Variants in CENPC observed in about 807,000 individuals in gnomAD.
The protein encoded by CENPC is centromere protein C.
Under a neutral mutation model 112.1 loss-of-function variants are expected in CENPC, and 63 were observed. The ratio of observed to expected loss-of-function variants is 0.56; its 90% CI spans 0.46 to 0.69. The LOEUF is 0.69. Among genes scored for constraint, CENPC ranks in the 30% least tolerant of loss-of-function variants. The pLI, the probability that CENPC is intolerant of heterozygous loss-of-function variation, is 0.00. For synonymous variants in CENPC, 333 were observed against 367.6 expected (o/e 0.91, Z 1.08); for missense variants, 1,000 against 1,103.8 (o/e 0.91, Z 1.33).
At chr4:67,494,215 G>A (rs897807597) in intron 13 of CENPC, among the ~76,000 whole-genome samples, 7 of 152,266 alleles carry the variant, frequency 4.6e-5, no homozygotes, top group East Asian at 1.9e-4. Context: ...AATACTCAGC[G>A]TTGACAATGT....
chr4:67,528,725 G>A (rs1560440875), intron 5 of CENPC, among the ~76,000 whole-genome samples: 1 of 151,978 alleles, frequency 6.6e-6, no homozygotes. Context: ...ATCTGTTGAC[G>A]GACACTTGGC....
intron 5 of CENPC, among the ~76,000 whole-genome samples, chr4:67,529,532 G>T (rs933680761): frequency 1.3e-5 from 2 of 151,942 alleles, no homozygotes; most frequent in Admixed American, 6.6e-5. Flanking sequence ...TACCATGTTG[G>T]CCATGCTGGT....
intron 17 of CENPC, among the ~76,000 whole-genome samples, chr4:67,482,956 T>C (rs367984957): frequency 8.5e-5 from 13 of 152,156 alleles, no homozygotes; most frequent in African/African-American, 2.7e-4. Flanking sequence ...TGGGAGGTAG[T>C]TGAATCATGG....
intron 4 of CENPC, among the ~76,000 whole-genome samples, chr4:67,534,481 TA>T: frequency 6.6e-6 from 1 of 152,302 alleles, no homozygotes; most frequent in East Asian, 1.9e-4. Flanking sequence ...TTGAGTTTCT[TA>T]ATCAGAGAGA....
chr4:67,543,332 C>A (rs1003229130), intron 2 of CENPC, among the ~76,000 whole-genome samples: 3 of 152,218 alleles, frequency 2.0e-5, no homozygotes, highest in South Asian at 2.1e-4. Context: ...CTGGAATATA[C>A]TTTATCTTAG....
At chr4:67,537,582 C>T (rs1462006770) in intron 4 of CENPC, among the ~76,000 whole-genome samples, 1 of 152,118 alleles carries the variant, frequency 6.6e-6, no homozygotes, top group African/African-American at 2.4e-5. Flanking sequence ...CACTTGAGGT[C>T]AGGAGTTTAA....
intron 5 of CENPC, among the ~76,000 whole-genome samples, chr4:67,526,243 G>C (rs1380102063): frequency 6.6e-6 from 1 of 151,884 alleles, no homozygotes; most frequent in African/African-American, 2.4e-5. Context: ...CAAGATGACG[G>C]GTTGATAGGT....
chr4:67,514,084 C>A lies in CENPC; in HGVS notation c.1434G>T (p.Met478Ile). 1 of 1,592,562 alleles carries A rather than the reference C, an allele frequency of 6.3e-7. No homozygotes were observed. The highest frequency in any genetic ancestry group is 1.1e-5 in the South Asian group (1 of 87,718). ...AATATAAACACTTACCCACAGGTGG[C>A]ATCTGTTTTTTGGAAACACAATCAT... ...MGNDCVSKKQ[M>I]PPVGSKKSST... Residue 478 changes from methionine to isoleucine, a missense_variant, in exon 8 of 19, where the codon ATG (methionine) becomes ATT (isoleucine). Transcript: ENST00000273853.
At chr4:67,485,336 A>C (rs1325354406) in intron 17 of CENPC, among the ~76,000 whole-genome samples, 1 of 152,222 alleles carries the variant, frequency 6.6e-6, no homozygotes, top group African/African-American at 2.4e-5. Context: ...TACTTTATAC[A>C]TAGGTAGCAC....
chr4:67,500,151 GGTGAGC>G (rs1725551771), intron 12 of CENPC, among the ~76,000 whole-genome samples: 1 of 151,826 alleles, frequency 6.6e-6, no homozygotes, highest in Non-Finnish European at 1.5e-5. Flanking sequence ...AGAGACACAA[GGTGAGC>G]ACATGCTATT....
chr4:67,487,033 T>A, intron 17 of CENPC, among the ~76,000 whole-genome samples: 1 of 151,710 alleles, frequency 6.6e-6, no homozygotes. Flanking sequence ...GATAGTGTTG[T>A]ATTTTTCTAT....
At chr4:67,509,182 A>C in intron 9 of CENPC, 77 bp from the exon 10 acceptor site, 1 of 874,674 alleles carries the variant, frequency 1.1e-6, no homozygotes. Flanking sequence ...AACAGCATTT[A>C]TATTTGCATA....
rs1724608000 is a variant in CENPC, at chr4:67,469,916, G to A, written c.*2689C>T. 1 of 152,246 alleles carries A rather than the reference G, an allele frequency of 6.6e-6. No homozygotes were observed. Among genetic ancestry groups the A allele is most frequent in the Non-Finnish European group, 1.5e-5 (1 of 68,056 alleles). The allele number at this position is 152,246 out of a possible 1,614,324, so 9.4% of individuals were successfully genotyped here. A position where few individuals can be genotyped will look rare whatever the true frequency, so the allele number is the denominator to read the frequency against. On this transcript the variant is annotated 3_prime_UTR_variant, in exon 19 of 19. Transcript: ENST00000273853. ...CACTGAAAAAGAGCTCCAGAAATCT[G>A]CACGAGGTGCCCAAGAACAGAACTT...
intron 12 of CENPC, among the ~76,000 whole-genome samples, chr4:67,495,645 AAAAC>A (rs1167870505): frequency 2.0e-5 from 3 of 152,318 alleles, no homozygotes; most frequent in South Asian, 2.1e-4. Flanking sequence ...TGTAACAGTT[AAAAC>A]AAACAAACAA....
chr4:67,494,306 T>C (rs1289213121), intron 13 of CENPC, among the ~76,000 whole-genome samples: 1 of 152,220 alleles, frequency 6.6e-6, no homozygotes, highest in Non-Finnish European at 1.5e-5. Flanking sequence ...CAAATTCCCA[T>C]GTTCTTACCT....
chr4:67,519,244 G>A lies in CENPC; in HGVS notation c.590C>T (p.Thr197Ile). 6.3e-7 allele frequency: 1 copy of A among 1,585,214 alleles called. No homozygotes were observed. Among genetic ancestry groups the A allele is most frequent in the Non-Finnish European group, 8.6e-7 (1 of 1,161,830 alleles). Residue 197 changes from threonine to isoleucine, a missense_variant, in exon 6 of 19, where the codon ACA (threonine) becomes ATA (isoleucine). Coordinates refer to ENST00000273853, the MANE Select transcript of CENPC (RefSeq NM_001812.4). Reference sequence around the variant, plus strand: ...TTTTTTGGTTTTAACTGAAACCTCTGTACTTGAAGGCAGCATATTTACTGA... The same window carrying A: ...TTTTTTGGTTTTAACTGAAACCTCTATACTTGAAGGCAGCATATTTACTGA... Reference protein sequence around the residue: ...ENSVNMLPSSTEVSVKTKKRL... With the variant: ...ENSVNMLPSSIEVSVKTKKRL...
chr4:67,513,573 T>C (rs1483493969), intron 8 of CENPC, among the ~76,000 whole-genome samples: 1 of 152,180 alleles, frequency 6.6e-6, no homozygotes, highest in Non-Finnish European at 1.5e-5. Context: ...GTATGTATAT[T>C]ATCTATTATT....
At chr4:67,545,197 T>G in intron 1 of CENPC, 141 bp downstream of exon 1, 1 of 765,132 alleles carries the variant, frequency 1.3e-6, no homozygotes, top group Non-Finnish European at 1.9e-6. Flanking sequence ...CACACTTGAT[T>G]TCAAAAATTC....
chr4:67,509,042 T>C lies in CENPC; in HGVS notation c.1676A>G (p.Lys559Arg). 6.2e-7 allele frequency: 1 copy of C among 1,612,216 alleles called. No individual in the cohort carries two copies. The highest frequency in any genetic ancestry group is 8.5e-7 in the Non-Finnish European group (1 of 1,179,242). ...TGACTGATTTGTTTTCTTAGTAGATTTTCGGCTACTATTGTGATGCATTGG... is the reference window on the plus strand; with the variant it reads ...TGACTGATTTGTTTTCTTAGTAGATCTTCGGCTACTATTGTGATGCATTGG... ...ELPMHHNSSR[K>R]STKKTNQSSK... Residue 559 changes from lysine (K) to arginine (R), a missense_variant, in exon 10 of 19, where the codon AAA becomes AGA. By Grantham distance (26) the Lys-to-Arg change is conservative (BLOSUM62 2). Coordinates refer to ENST00000273853, the MANE Select transcript of CENPC (RefSeq NM_001812.4).
Sources: gnomAD v4.1 joint callset for allele counts (sites outside exome capture counted in the v4.1 genomes callset) on GRCh38, gnomAD v4.1.1 for gene constraint, MANE v1.5 for transcripts, NCBI Gene and HGNC (gene_info 2026-07-23, HGNC 2026-07-21) for gene names.